GRIA4: variants seen among roughly 807,000 people sequenced by gnomAD.
GRIA4 encodes glutamate ionotropic receptor AMPA type subunit 4, also known as glutamate receptor 4.
GRIA4 carries 34 observed loss-of-function variants against 104.0 expected under a neutral mutation model. The ratio of observed to expected loss-of-function variants is 0.33; its 90% CI spans 0.25 to 0.44. The LOEUF is 0.44. Ranked by LOEUF, GRIA4 falls within the 20% of genes least tolerant of loss-of-function variation. The probability of loss-of-function intolerance (pLI) is 1.00; values close to 1 mark genes in which losing one functional copy is unlikely to be tolerated. For missense variants in GRIA4, 750 were observed against 1,096.5 expected (o/e 0.68, Z 4.46); for synonymous variants, 386 against 381.9 (o/e 1.01, Z -0.13).
rs551576057 is a variant in GRIA4 at position 105,963,481 on chromosome 11, A to C, written c.2295-8433A>C. Among the ~76,000 whole-genome samples, 4 of 152,138 alleles carry C rather than the reference A, an allele frequency of 2.6e-5. No individual in the cohort carries two copies. The South Asian group carries it at 8.3e-4, about 31-fold the overall frequency. On this transcript the variant is annotated intron_variant, in intron 14 of 16. Coordinates refer to ENST00000282499, the MANE Select transcript of GRIA4 (RefSeq NM_000829.4). ...AATACTATCTCCAGATATTGATTACAAAATGCCTTCCAACATGCATTATTA... is the reference window on the plus strand; with the variant it reads ...AATACTATCTCCAGATATTGATTACCAAATGCCTTCCAACATGCATTATTA...
At chr11:105,670,571 T>C (rs1952327198) in intron 3 of GRIA4, among the ~76,000 whole-genome samples, 1 of 152,166 alleles carries the variant, frequency 6.6e-6, no homozygotes, top group Non-Finnish European at 1.5e-5. Context: ...ATAATTTTGG[T>C]GATAAAATCT....
At chr11:105,902,371 C>T (rs554052687) in intron 7 of GRIA4, among the ~76,000 whole-genome samples, 1 of 151,504 alleles carries the variant, frequency 6.6e-6, no homozygotes, top group South Asian at 2.1e-4. Context: ...TTATCTGTCA[C>T]CCAGGCTGGA....
chr11:105,798,574 G>A (rs569762448), intron 4 of GRIA4, among the ~76,000 whole-genome samples: 1 of 152,298 alleles, frequency 6.6e-6, no homozygotes, highest in East Asian at 1.9e-4. Flanking sequence ...GGATCTGTCT[G>A]TATACTAATT....
At chr11:105,723,980 C>T (rs1938011917) in intron 3 of GRIA4, among the ~76,000 whole-genome samples, 1 of 152,018 alleles carries the variant, frequency 6.6e-6, no homozygotes, top group South Asian at 2.1e-4. Flanking sequence ...TGACACCAGT[C>T]AAAATGACTA....
At chr11:105,688,721 C>T (rs1330863311) in intron 3 of GRIA4, among the ~76,000 whole-genome samples, 4 of 152,072 alleles carry the variant, frequency 2.6e-5, no homozygotes, top group South Asian at 2.1e-4. Context: ...TTTCATGGTG[C>T]GTACAATTTA....
chr11:105,639,263 A>G (rs764028121), intron 3 of GRIA4, among the ~76,000 whole-genome samples: 9 of 152,110 alleles, frequency 5.9e-5, no homozygotes, highest in Non-Finnish European at 1.2e-4. Context: ...AAGTAGAAAG[A>G]TAAAGTTGGT....
At chr11:105,652,885 C>G (rs1216332689) in intron 3 of GRIA4, among the ~76,000 whole-genome samples, 1 of 151,970 alleles carries the variant, frequency 6.6e-6, no homozygotes, top group Non-Finnish European at 1.5e-5. Context: ...TCTTAGGAAC[C>G]TCGGCATACA....
At chr11:105,800,774 TTA>T (rs1942686971) in intron 4 of GRIA4, among the ~76,000 whole-genome samples, 1 of 78,550 alleles carries the variant, frequency 1.3e-5, no homozygotes, top group Non-Finnish European at 2.5e-5. Flanking sequence ...TTCTGCTACA[TTA>T]AAAATTTTAA....
chr11:105,742,592 GTATA>G (rs763334090), intron 3 of GRIA4, among the ~76,000 whole-genome samples: 1 of 130,954 alleles, frequency 7.6e-6, no homozygotes, highest in African/African-American at 2.7e-5. Flanking sequence ...ACAAGTGTGA[GTATA>G]TATATATATG....
chr11:105,813,057 G>A (rs1943240354), intron 4 of GRIA4, among the ~76,000 whole-genome samples: 3 of 130,126 alleles, frequency 2.3e-5, no homozygotes, highest in Non-Finnish European at 3.1e-5. Flanking sequence ...TCGTGCCACT[G>A]CACTCCAGCC....
chr11:105,928,680 A>T (rs1051783507), intron 13 of GRIA4, among the ~76,000 whole-genome samples: 6 of 152,058 alleles, frequency 3.9e-5, no homozygotes, highest in African/African-American at 9.7e-5. Context: ...TTAAATAAAG[A>T]CATTATTTGC....
At chr11:105,738,470 T>C (rs781040990) in intron 3 of GRIA4, among the ~76,000 whole-genome samples, 1 of 152,140 alleles carries the variant, frequency 6.6e-6, no homozygotes, top group Non-Finnish European at 1.5e-5. Flanking sequence ...GGTAAACACA[T>C]ACATTAAACA....
chr11:105,875,081 A>G (rs2136062093), intron 5 of GRIA4, among the ~76,000 whole-genome samples: 1 of 152,344 alleles, frequency 6.6e-6, no homozygotes, highest in East Asian at 1.9e-4. Context: ...ATTTTGAGAT[A>G]CGTTCCATCA....
chr11:105,862,423 T>A, intron 5 of GRIA4: 1 of 440,526 alleles, frequency 2.3e-6, no homozygotes, highest in Non-Finnish European at 4.1e-6. Context: ...GAAAGCTATT[T>A]CTCACATATT....
chr11:105,927,070 C>T, intron 13 of GRIA4, 131 bp downstream of exon 13: 1 of 628,414 alleles, frequency 1.6e-6, no homozygotes, highest in Non-Finnish European at 2.8e-6. Context: ...ATGTTTAAGG[C>T]TAGTACTTCT....
At position 105,980,085 on chromosome 11, in the gene GRIA4, C is replaced by G. The variant is rs931227073; in HGVS notation, c.*346C>G. The G allele has an allele frequency of 1.1e-4, 21 of 185,422 alleles. No individual in the cohort carries two copies. The highest frequency in any genetic ancestry group is 4.6e-4 in the African/African-American group (20 of 43,110). 11.5% of individuals were successfully genotyped at this position (185,422 alleles called of 1,614,324 possible). A position where few individuals can be genotyped will look rare whatever the true frequency, so the allele number is the denominator to read the frequency against. ...AGTTAGCGCATTAAACTGTGAAGTTCTTGCTCAGAAAGGCCTTTGTCTTCA... is the reference window on the plus strand; with the variant it reads ...AGTTAGCGCATTAAACTGTGAAGTTGTTGCTCAGAAAGGCCTTTGTCTTCA... On this transcript the variant is annotated 3_prime_UTR_variant, in exon 17 of 17. Transcript: ENST00000282499.
At chr11:105,948,906 T>G (rs1313756627) in intron 14 of GRIA4, among the ~76,000 whole-genome samples, 2 of 152,146 alleles carry the variant, frequency 1.3e-5, no homozygotes, top group Admixed American at 1.3e-4. Flanking sequence ...AATAATTTTC[T>G]AAAGGTGATG....
chr11:105,848,325 T>C (rs1944668924), intron 4 of GRIA4, among the ~76,000 whole-genome samples: 1 of 152,212 alleles, frequency 6.6e-6, no homozygotes, highest in African/African-American at 2.4e-5. Context: ...TTGAAAAAGA[T>C]TGTAAATATT....
chr11:105,819,000 GA>G (rs1251727842), intron 4 of GRIA4, among the ~76,000 whole-genome samples: 1 of 152,118 alleles, frequency 6.6e-6, no homozygotes, highest in East Asian at 1.9e-4. Flanking sequence ...CAGGACAATG[GA>G]AAACAATTTT....
Sources: gnomAD v4.1 joint callset for allele counts (sites outside exome capture counted in the v4.1 genomes callset) on GRCh38, gnomAD v4.1.1 for gene constraint, MANE v1.5 for transcripts, NCBI Gene and HGNC (gene_info 2026-07-23, HGNC 2026-07-21) for gene names.